Variants in VAPB observed in about 807,000 individuals in gnomAD.
VAPB encodes the protein vesicle-associated membrane protein-associated protein B/C.
VAPB carries 7 observed loss-of-function variants against 25.6 expected under a neutral mutation model. That is an observed-to-expected ratio of 0.27 (90% confidence interval 0.16 to 0.51). VAPB has a LOEUF of 0.51. VAPB is among the 20% of genes least tolerant of loss of function. The pLI, the probability that VAPB is intolerant of heterozygous loss-of-function variation, is 0.97. For synonymous variants in VAPB, 112 were observed against 109.2 expected, an observed-to-expected ratio of 1.03 and a Z score of -0.16; for missense variants, 266 against 301.3, an observed-to-expected ratio of 0.88 and a Z score of 0.87.
Position 58,446,360 on chromosome 20 carries a change from T to C in VAPB, c.*2125T>C. On this transcript the variant is annotated 3_prime_UTR_variant, in exon 6 of 6. Coordinates refer to ENST00000475243, the MANE Select transcript of VAPB (RefSeq NM_004738.5). ...TGTAGCTTCCAGGCCCTCATGTCTTTGATAGGAGAGTGCTTAGGTGGTCCC... is the reference window on the plus strand; with the variant it reads ...TGTAGCTTCCAGGCCCTCATGTCTTCGATAGGAGAGTGCTTAGGTGGTCCC... 2.2e-6 allele frequency: 1 copy of C among 454,106 alleles called. No homozygotes were observed. The highest frequency in any genetic ancestry group is 1.6e-5 in the South Asian group (1 of 64,482). The allele number at this position is 454,106 out of a possible 1,614,324, so 28.1% of individuals were successfully genotyped here.
intron 3 of VAPB, among the ~76,000 whole-genome samples, chr20:58,435,502 A>G (rs557783777): frequency 1.3e-5 from 2 of 152,172 alleles, no homozygotes; most frequent in Admixed American, 6.5e-5. Flanking sequence ...GGCCCGCCCA[A>G]AGGGGAGCCC....
chr20:58,414,443 G>T (rs1291255753), intron 1 of VAPB, among the ~76,000 whole-genome samples: 1 of 151,336 alleles, frequency 6.6e-6, no homozygotes, highest in Non-Finnish European at 1.5e-5. Flanking sequence ...CAGCCGCCGG[G>T]CGGAGGGTCT....
Position 58,389,399 on chromosome 20 carries a change from C to A in VAPB, c.-61C>A, listed in dbSNP as rs1397881771. The A allele has an allele frequency of 6.5e-7, 1 of 1,536,666 alleles. No individual in the cohort carries two copies. The highest frequency in any genetic ancestry group is 8.8e-7 in the Non-Finnish European group (1 of 1,135,688). On this transcript the variant is annotated 5_prime_UTR_variant, in exon 1 of 6. Transcript: ENST00000475243. ...ACTTAAAGCGGGCGCAGCATTAACGCTTCCCGCCCCGGTGACCTCTCAGGG... is the reference window on the plus strand; with the variant it reads ...ACTTAAAGCGGGCGCAGCATTAACGATTCCCGCCCCGGTGACCTCTCAGGG...
intron 1 of VAPB, 85 bp from the exon 2 acceptor site, chr20:58,418,126 T>C: frequency 2.5e-6 from 4 of 1,575,714 alleles, no homozygotes; most frequent in Non-Finnish European, 3.5e-6. Flanking sequence ...AAATCTTCCC[T>C]TAACTATATT....
chr20:58,441,210 C>A, intron 5 of VAPB, 127 bp downstream of exon 5: 1 of 1,063,316 alleles, frequency 9.4e-7, no homozygotes, highest in Non-Finnish European at 1.4e-6. Context: ...CTATTTTTTT[C>A]TCCCCAGGGA....
At chr20:58,440,753 A>G in intron 4 of VAPB, 154 bp from the exon 5 acceptor site, 3 of 687,582 alleles carry the variant, frequency 4.4e-6, no homozygotes, top group South Asian at 1.8e-5. Flanking sequence ...AAGATATCAG[A>G]TAAAGTAATC....
chr20:58,394,604 A>T (rs961597231), intron 1 of VAPB, among the ~76,000 whole-genome samples: 2 of 152,258 alleles, frequency 1.3e-5, no homozygotes, highest in Non-Finnish European at 2.9e-5. Context: ...AACTTACTAA[A>T]CTTGAGTCAA....
rs1164773424 is a variant in VAPB, at chr20:58,448,433, A to G, written c.*4198A>G. ...TCCTTACCTGTATAGAACATTTCCA[A>G]TACATTCGCTCATTGAACTTAATCC... is the stretch of plus-strand genomic sequence containing the variant. On this transcript the variant is annotated 3_prime_UTR_variant, in exon 6 of 6. Transcript: ENST00000475243. The G allele has an allele frequency of 8.8e-6, 4 of 453,956 alleles. No individual in the cohort carries two copies. Among genetic ancestry groups the G allele is most frequent in the South Asian group, 3.1e-5 (2 of 64,474 alleles). 28.1% of individuals were successfully genotyped at this position (453,956 alleles called of 1,614,324 possible). A position where few individuals can be genotyped will look rare whatever the true frequency, so the allele number is the denominator to read the frequency against.
At chr20:58,391,988 C>T (rs1987811221) in intron 1 of VAPB, among the ~76,000 whole-genome samples, 1 of 152,208 alleles carries the variant, frequency 6.6e-6, no homozygotes. Context: ...CTTGAGCAGT[C>T]CTTCCTTGCA....
At chr20:58,414,109 G>A (rs1395413203) in intron 1 of VAPB, among the ~76,000 whole-genome samples, 2 of 108,362 alleles carry the variant, frequency 1.8e-5, no homozygotes, top group Admixed American at 1.7e-4. Flanking sequence ...CGGACGGGGC[G>A]GCTGGCCGGG....
chr20:58,445,499 TG>T lies in VAPB; in HGVS notation c.*1265del, dbSNP rs1568722731. 2.2e-6 allele frequency: 1 copy of T among 454,486 alleles called. No homozygotes were observed. Among genetic ancestry groups the T allele is most frequent in the Non-Finnish European group, 4.4e-6 (1 of 226,746 alleles). The allele number at this position is 454,486 out of a possible 1,614,324, so 28.2% of individuals were successfully genotyped here. A position where few individuals can be genotyped will look rare whatever the true frequency, so the allele number is the denominator to read the frequency against. Reference sequence around the variant, plus strand: ...CATAAAAGACCAACCCAGTTCTGTTTGACTATGTAGCATCTTGAAAAGAAAA... The same window carrying T: ...CATAAAAGACCAACCCAGTTCTGTTTACTATGTAGCATCTTGAAAAGAAAA... On this transcript the variant is annotated 3_prime_UTR_variant, in exon 6 of 6. Transcript: ENST00000475243.
rs1156963767 is a variant in VAPB at position 58,391,923 on chromosome 20, A to C, written c.58+2406A>C. Among the ~76,000 whole-genome samples, 11 of 152,232 alleles carry C rather than the reference A, an allele frequency of 7.2e-5. No homozygotes were observed. The East Asian group carries it at 2.1e-3, about 29-fold the overall frequency. ...GGTGAGTAGACAAGAGTCAGATCTC[A>C]GTCCCTTTATGCATAGATGCAGCCA... On this transcript the variant is annotated intron_variant, in intron 1 of 5. Coordinates refer to ENST00000475243, the MANE Select transcript of VAPB (RefSeq NM_004738.5).
intron 2 of VAPB, among the ~76,000 whole-genome samples, chr20:58,434,182 G>T (rs1271443836): frequency 6.6e-6 from 1 of 152,252 alleles, no homozygotes; most frequent in African/African-American, 2.4e-5. Flanking sequence ...AGCTACAACA[G>T]TTCCTTAAAT....
In VAPB at chr20:58,446,979, G is replaced by T. The variant is rs551723368; in HGVS notation, c.*2744G>T. ...CAACGGCCTGCCCTGCCCCAAGAGG[G>T]TTAAGAGTCAGATAATCGGGACGAA... On this transcript the variant is annotated 3_prime_UTR_variant, in exon 6 of 6. Coordinates refer to ENST00000475243, the MANE Select transcript of VAPB (RefSeq NM_004738.5). The T allele has an allele frequency of 2.0e-4, 90 of 454,130 alleles. No homozygotes were observed. Among genetic ancestry groups the T allele is most frequent in the Admixed American group, 1.8e-3 (77 of 42,576 alleles). 28.1% of individuals were successfully genotyped at this position (454,130 alleles called of 1,614,324 possible). A position where few individuals can be genotyped will look rare whatever the true frequency, so the allele number is the denominator to read the frequency against.
rs1568721837 is a variant in VAPB at position 58,444,449 on chromosome 20, A to T, written c.*214A>T. ...GAAAGTTAAAAATGTATAGTAACTG[A>T]TTGAGGGGGAAAAGAATGATCTTTA... is the stretch of plus-strand genomic sequence containing the variant. On this transcript the variant is annotated 3_prime_UTR_variant, in exon 6 of 6. Coordinates refer to ENST00000475243, the MANE Select transcript of VAPB (RefSeq NM_004738.5). 2.8e-6 allele frequency: 2 copies of T among 706,268 alleles called. No homozygotes were observed. The highest frequency in any genetic ancestry group is 4.1e-5 in the Admixed American group (2 of 49,116). 43.8% of individuals were successfully genotyped at this position (706,268 alleles called of 1,614,324 possible).
At chr20:58,401,297 T>G (rs2123028405) in intron 1 of VAPB, among the ~76,000 whole-genome samples, 1 of 152,316 alleles carries the variant, frequency 6.6e-6, no homozygotes, top group East Asian at 1.9e-4. Flanking sequence ...CTTCCACCTT[T>G]AAAGAAGAAA....
chr20:58,433,117 T>C (rs763696454), intron 2 of VAPB, among the ~76,000 whole-genome samples: 6 of 152,162 alleles, frequency 3.9e-5, no homozygotes, highest in Non-Finnish European at 8.8e-5. Context: ...GAGGTTGGTA[T>C]TTCTATCCTG....
At chr20:58,427,713 T>G (rs1375482639) in intron 2 of VAPB, among the ~76,000 whole-genome samples, 1 of 150,722 alleles carries the variant, frequency 6.6e-6, no homozygotes, top group Non-Finnish European at 1.5e-5. Flanking sequence ...AGTGATCTGT[T>G]ACCATTATGA....
At chr20:58,394,630 G>T (rs781074008) in intron 1 of VAPB, among the ~76,000 whole-genome samples, 7 of 152,228 alleles carry the variant, frequency 4.6e-5, no homozygotes, top group Non-Finnish European at 1.0e-4. Context: ...AATCTTCATA[G>T]ATAGTACCAT....
Sources: allele counts gnomAD v4.1 joint callset (sites outside exome capture counted in the v4.1 genomes callset), GRCh38; gene constraint gnomAD v4.1.1; transcripts MANE v1.5; gene names NCBI Gene and HGNC (gene_info 2026-07-23, HGNC 2026-07-21).